Variants in TNKS observed in about 807,000 individuals in gnomAD.
The protein encoded by TNKS is tankyrase, also known as poly [ADP-ribose] polymerase tankyrase-1.
A neutral mutation model predicts 135.8 loss-of-function variants in TNKS; 72 were observed. The ratio of observed to expected loss-of-function variants is 0.53; its 90% CI spans 0.44 to 0.64. The LOEUF is 0.64. TNKS is among the 30% of genes least tolerant of loss of function. TNKS has a pLI of 0.00. For missense variants in TNKS, 1,769 were observed against 1,674.0 expected, an observed-to-expected ratio of 1.06 and a Z score of -0.99; for synonymous variants, 849 against 649.3, an observed-to-expected ratio of 1.31 and a Z score of -4.68.
intron 2 of TNKS, among the ~76,000 whole-genome samples, chr8:9,605,636 G>C (rs1799187994): frequency 6.6e-6 from 1 of 152,016 alleles, no homozygotes. Context: ...TTCCAGTTTA[G>C]AATCTCCTCA....
intron 3 of TNKS, among the ~76,000 whole-genome samples, chr8:9,669,413 A>G (rs1475362702): frequency 7.7e-6 from 1 of 129,476 alleles, no homozygotes; most frequent in African/African-American, 3.0e-5. Flanking sequence ...CGACAGAGCG[A>G]GACTCCGCCT....
chr8:9,624,266 C>T (rs929428920), intron 3 of TNKS, among the ~76,000 whole-genome samples: 34 of 152,186 alleles, frequency 2.2e-4, no homozygotes, highest in African/African-American at 7.5e-4. Context: ...ATTAGAACTT[C>T]AGCTACAACC....
intron 2 of TNKS, among the ~76,000 whole-genome samples, chr8:9,600,888 A>G (rs772174917): frequency 1.3e-5 from 2 of 152,238 alleles, no homozygotes; most frequent in Non-Finnish European, 2.9e-5. Context: ...CAGCATTATT[A>G]CAGAATCTAA....
intron 26 of TNKS, among the ~76,000 whole-genome samples, chr8:9,773,565 T>C (rs959294019): frequency 6.6e-6 from 1 of 152,148 alleles, no homozygotes; most frequent in Admixed American, 6.6e-5. Flanking sequence ...CATAATTGGG[T>C]ACAAAGAAAT....
At chr8:9,670,090 TTA>T (rs1486709828) in intron 3 of TNKS, 1 of 152,226 alleles carries the variant, frequency 6.6e-6, no homozygotes, top group Non-Finnish European at 1.5e-5. Flanking sequence ...GCTTTTGGTT[TTA>T]ACTTGCTTCA....
intron 5 of TNKS, among the ~76,000 whole-genome samples, chr8:9,690,420 A>G (rs189927316): frequency 0.011 from 1,643 of 152,226 alleles, 12 homozygotes; most frequent in African/African-American, 0.022. Flanking sequence ...TCTCTTCTTA[A>G]TACATACATT....
intron 14 of TNKS, among the ~76,000 whole-genome samples, 157 bp downstream of exon 14, chr8:9,731,192 G>A (rs570320001): frequency 1.1e-3 from 160 of 152,284 alleles, no homozygotes; most frequent in Admixed American, 1.5e-3. Flanking sequence ...AGGCATGGTG[G>A]CTCACGCCTG....
At chr8:9,689,300 C>T (rs1226970239) in intron 5 of TNKS, among the ~76,000 whole-genome samples, 1 of 152,032 alleles carries the variant, frequency 6.6e-6, no homozygotes, top group African/African-American at 2.4e-5. Context: ...TATTATTCTG[C>T]CTTTTAAAAG....
intron 3 of TNKS, among the ~76,000 whole-genome samples, chr8:9,625,780 A>T (rs1800033236): frequency 6.6e-6 from 1 of 152,068 alleles, no homozygotes. Context: ...TTGATTTTTA[A>T]ATCTTTATTT....
chr8:9,717,101 A>ATATATATATATATATATATATATT (rs1454492300), intron 11 of TNKS, among the ~76,000 whole-genome samples: 31 of 119,312 alleles, frequency 2.6e-4, no homozygotes, highest in East Asian at 4.8e-4. Context: ...ATATATATAT[A>ATATATATATATATATATATATATT]TTTTCAGGGA....
chr8:9,657,262 C>T (rs1404888497), intron 3 of TNKS, among the ~76,000 whole-genome samples: 6 of 116,180 alleles, frequency 5.2e-5, no homozygotes, highest in African/African-American at 1.9e-4. Context: ...GACCCCCCCA[C>T]CTCCCTCCCG....
chr8:9,606,398 C>T (rs919667198), intron 2 of TNKS, among the ~76,000 whole-genome samples: 11 of 151,896 alleles, frequency 7.2e-5, no homozygotes, highest in African/African-American at 2.2e-4. Flanking sequence ...CTTGCAACTC[C>T]AATAATTGCA....
chr8:9,707,148 C>T, intron 8 of TNKS, 151 bp downstream of exon 8: 2 of 693,426 alleles, frequency 2.9e-6, no homozygotes, highest in Non-Finnish European at 4.4e-6. Flanking sequence ...TTCATGAATT[C>T]CATGGGAATG....
At chr8:9,752,736 C>G (rs551699603) in intron 20 of TNKS, 110 bp downstream of exon 20, 1 of 688,318 alleles carries the variant, frequency 1.5e-6, no homozygotes, top group African/African-American at 1.9e-5. Context: ...GGCAGGATTG[C>G]TTGAGCCCAG....
In TNKS at chr8:9,569,179, A is replaced by T. The variant is rs1797665805; in HGVS notation, c.674-10980A>T. Among the ~76,000 whole-genome samples, 3 of 152,194 alleles carry T rather than the reference A, an allele frequency of 2.0e-5. No individual in the cohort carries two copies. In the South Asian group the frequency reaches 6.2e-4, roughly 32 times the overall value. ...TCAGATTTTATCATTGGGAACAAAT[A>T]CCGTTTGGTTTCCTAAAAGATTCTA... On this transcript the variant is annotated intron_variant, in intron 1 of 26. Transcript: ENST00000310430.
At chr8:9,626,483 T>C (rs747439682) in intron 3 of TNKS, among the ~76,000 whole-genome samples, 14 of 152,246 alleles carry the variant, frequency 9.2e-5, no homozygotes, top group African/African-American at 2.7e-4. Flanking sequence ...GCAGTAGCAA[T>C]AGGAAACTAG....
intron 2 of TNKS, among the ~76,000 whole-genome samples, chr8:9,583,555 C>G (rs1029033155): frequency 6.6e-6 from 1 of 151,882 alleles, no homozygotes; most frequent in Non-Finnish European, 1.5e-5. Context: ...GTGGCGCGAT[C>G]TCTGCTCACT....
intron 3 of TNKS, among the ~76,000 whole-genome samples, chr8:9,647,509 A>C (rs1393389199): frequency 6.6e-6 from 1 of 152,210 alleles, no homozygotes; most frequent in African/African-American, 2.4e-5. Context: ...AAATACACAA[A>C]TGTTAGAAAA....
At chr8:9,725,930 C>T (rs866532487) in intron 12 of TNKS, among the ~76,000 whole-genome samples, 6 of 152,142 alleles carry the variant, frequency 3.9e-5, no homozygotes, top group African/African-American at 9.7e-5. Flanking sequence ...TATTCTGTTT[C>T]GCATTGCTAT....
Sources: gnomAD v4.1 joint callset for allele counts (sites outside exome capture counted in the v4.1 genomes callset) on GRCh38, gnomAD v4.1.1 for gene constraint, MANE v1.5 for transcripts, NCBI Gene and HGNC (gene_info 2026-07-23, HGNC 2026-07-21) for gene names.